The following RPS6KC1 variants were observed in gnomAD, a reference collection of about 807,000 sequenced individuals.
The protein encoded by RPS6KC1 is inactive ribosomal protein S6 kinase delta-1.
A neutral mutation model predicts 103.8 loss-of-function variants in RPS6KC1; 54 were observed. The observed-to-expected ratio is 0.52, with a 90% CI of 0.42 to 0.65. The LOEUF (loss-of-function observed/expected upper bound fraction) is 0.65. Ranked by LOEUF, RPS6KC1 falls within the 30% of genes least tolerant of loss-of-function variation. The probability of loss-of-function intolerance (pLI) is 0.00; values close to 1 mark genes in which losing one functional copy is unlikely to be tolerated. For missense variants in RPS6KC1, 1,151 were observed against 1,253.8 expected (o/e 0.92, Z 1.24); for synonymous variants, 439 against 438.7 (o/e 1.00, Z -0.01).
At chr1:213,625,781 A>G in the RPS6KC1 span, among the ~76,000 whole-genome samples, 2 of 152,204 alleles carry the variant, frequency 1.3e-5, no homozygotes, top group Non-Finnish European at 2.9e-5. Context: ...ATGGCTGCAT[A>G]GTATTCCATG....
At chr1:213,854,578 C>G in the RPS6KC1 span, among the ~76,000 whole-genome samples, 1 of 139,914 alleles carries the variant, frequency 7.1e-6, no homozygotes, top group East Asian at 2.1e-4. Context: ...CTCTCTCTCT[C>G]TTTCTTTCTT....
At chr1:213,137,127 T>G (rs990641553) in intron 6 of RPS6KC1, among the ~76,000 whole-genome samples, 1 of 152,110 alleles carries the variant, frequency 6.6e-6, no homozygotes, top group African/African-American at 2.4e-5. Flanking sequence ...GGGGTCTTGT[T>G]TCTCTTTTAT....
chr1:213,822,342 A>G, the RPS6KC1 span: 4 of 152,128 alleles, frequency 2.6e-5, 1 homozygote, highest in South Asian at 6.2e-4. Flanking sequence ...TCTCTTCTCT[A>G]TCTATTCCAC....
At chr1:213,653,407 C>T in the RPS6KC1 span, among the ~76,000 whole-genome samples, 91,761 of 151,678 alleles carry the variant, frequency 0.6, 29,093 homozygotes, top group Non-Finnish European at 0.71. Flanking sequence ...TGCAGTGAGC[C>T]GTGATCATGC....
chr1:213,481,918 C>T, the RPS6KC1 span, among the ~76,000 whole-genome samples: 1 of 152,078 alleles, frequency 6.6e-6, no homozygotes, highest in Non-Finnish European at 1.5e-5. Flanking sequence ...GGTTTGGCAC[C>T]ATCCTTGTGG....
At chr1:213,633,614 C>G in the RPS6KC1 span, among the ~76,000 whole-genome samples, 1 of 151,762 alleles carries the variant, frequency 6.6e-6, no homozygotes, top group Non-Finnish European at 1.5e-5. Flanking sequence ...GTAAAACCAT[C>G]GATGCTAGGA....
chr1:213,681,822 T>C, the RPS6KC1 span, among the ~76,000 whole-genome samples: 1 of 151,982 alleles, frequency 6.6e-6, no homozygotes, highest in Non-Finnish European at 1.5e-5. Flanking sequence ...TTAGAATACA[T>C]GTGTATATGT....
chr1:213,745,908 C>T, the RPS6KC1 span, among the ~76,000 whole-genome samples: 4 of 152,130 alleles, frequency 2.6e-5, no homozygotes, highest in African/African-American at 7.2e-5. Flanking sequence ...CTCCTGTACC[C>T]GGGACCCTGT....
At chr1:213,468,708 T>C in the RPS6KC1 span, among the ~76,000 whole-genome samples, 2 of 152,204 alleles carry the variant, frequency 1.3e-5, no homozygotes, top group Non-Finnish European at 2.9e-5. Flanking sequence ...GACATTCTGG[T>C]TGTTATAGTG....
the RPS6KC1 span, among the ~76,000 whole-genome samples, chr1:213,636,460 C>A: frequency 6.6e-6 from 1 of 152,104 alleles, no homozygotes; most frequent in African/African-American, 2.4e-5. Context: ...GAAATAACAC[C>A]ACACATCTAC....
intron 3 of RPS6KC1, among the ~76,000 whole-genome samples, chr1:213,097,064 A>AT (rs1163068144): frequency 6.6e-6 from 1 of 152,174 alleles, no homozygotes; most frequent in Admixed American, 6.5e-5. Context: ...GAGCAATAAT[A>AT]TTTTGAAAGG....
chr1:213,466,546 G>A, the RPS6KC1 span, among the ~76,000 whole-genome samples: 1 of 152,108 alleles, frequency 6.6e-6, no homozygotes, highest in Non-Finnish European at 1.5e-5. Flanking sequence ...GAGAAGGAGG[G>A]GATGAGATGA....
chr1:213,781,453 A>T, the RPS6KC1 span, among the ~76,000 whole-genome samples: 2 of 152,090 alleles, frequency 1.3e-5, no homozygotes, highest in African/African-American at 4.8e-5. Flanking sequence ...TGAAAGGAAG[A>T]CTCCTTTAAG....
At chr1:213,833,488 G>T in the RPS6KC1 span, among the ~76,000 whole-genome samples, 16,865 of 152,184 alleles carry the variant, frequency 0.11, 1,942 homozygotes, top group African/African-American at 0.29. Context: ...CATGGATGAT[G>T]TTCTGAGCTA....
At chr1:213,400,929 A>C in the RPS6KC1 span, among the ~76,000 whole-genome samples, 2 of 151,766 alleles carry the variant, frequency 1.3e-5, no homozygotes, top group Non-Finnish European at 1.5e-5. Flanking sequence ...CTGGTCTCGA[A>C]CTCCTGACCT....
At chr1:213,621,329 G>A in the RPS6KC1 span, among the ~76,000 whole-genome samples, 3 of 150,636 alleles carry the variant, frequency 2.0e-5, no homozygotes, top group Admixed American at 6.7e-5. Context: ...AGGGACCCAC[G>A]CCAAGTATTC....
chr1:213,462,565 T>A, the RPS6KC1 span, among the ~76,000 whole-genome samples: 1 of 152,356 alleles, frequency 6.6e-6, no homozygotes, highest in African/African-American at 2.4e-5. Context: ...CATGGAATAC[T>A]ATGCAGCCAT....
At chr1:213,557,173 T>C in the RPS6KC1 span, among the ~76,000 whole-genome samples, 1 of 152,204 alleles carries the variant, frequency 6.6e-6, no homozygotes, top group Non-Finnish European at 1.5e-5. Context: ...TGTGCTTCTC[T>C]ATGCAAGGTG....
chr1:213,287,138 G>T, the RPS6KC1 span, among the ~76,000 whole-genome samples: 1 of 152,096 alleles, frequency 6.6e-6, no homozygotes, highest in African/African-American at 2.4e-5. Context: ...AAAATGCAAA[G>T]AAATGAGAAC....
Sources: gnomAD v4.1 joint callset for allele counts (sites outside exome capture counted in the v4.1 genomes callset) on GRCh38, gnomAD v4.1.1 for gene constraint, MANE v1.5 for transcripts, NCBI Gene and HGNC (gene_info 2026-07-23, HGNC 2026-07-21) for gene names.